STRN3: variants seen among roughly 807,000 people sequenced by gnomAD.
STRN3 encodes the protein striatin 3.
STRN3 carries 29 observed loss-of-function variants against 95.6 expected under a neutral mutation model. That is an observed-to-expected ratio of 0.30 (90% CI 0.23 to 0.41). The LOEUF is 0.41. STRN3 is among the 10% of genes least tolerant of loss of function. STRN3 has a pLI of 1.00. For missense variants in STRN3, 890 were observed against 972.1 expected, an observed-to-expected ratio of 0.92 and a Z score of 1.12; for synonymous variants, 331 against 357.6, an observed-to-expected ratio of 0.93 and a Z score of 0.84.
chr14:30,946,767 C>T (rs1879378273), intron 5 of STRN3, among the ~76,000 whole-genome samples: 1 of 152,074 alleles, frequency 6.6e-6, no homozygotes, highest in Admixed American at 6.5e-5. Context: ...CACCTGAGGT[C>T]AGGAGTTCGC....
At chr14:30,958,230 T>C (rs1322932715) in intron 1 of STRN3, among the ~76,000 whole-genome samples, 1 of 152,092 alleles carries the variant, frequency 6.6e-6, no homozygotes, top group African/African-American at 2.4e-5. Context: ...GGAGAACTGC[T>C]TGAGCCCAGG....
chr14:31,005,299 TC>T (rs1330719793), intron 1 of STRN3, among the ~76,000 whole-genome samples: 1 of 152,026 alleles, frequency 6.6e-6, no homozygotes, highest in Non-Finnish European at 1.5e-5. Context: ...GCCACTGCAC[TC>T]CAGCCTGGGC....
chr14:31,005,858 C>T (rs956138583), intron 1 of STRN3, among the ~76,000 whole-genome samples: 3 of 152,178 alleles, frequency 2.0e-5, no homozygotes, highest in Non-Finnish European at 4.4e-5. Flanking sequence ...TGGCTCACGC[C>T]CGTAATCCCA....
At chr14:30,907,598 C>CT (rs59483991) in intron 13 of STRN3, among the ~76,000 whole-genome samples, 32,770 of 151,836 alleles carry the variant, frequency 0.22, 4,010 homozygotes, top group East Asian at 0.5. Context: ...AGTATGTTTT[C>CT]TTTTTTTCTT....
In STRN3 at chr14:30,950,898, C is replaced by G; in HGVS notation, c.507G>C (p.Gln169His). 6.2e-7 allele frequency: 1 copy of G among 1,613,914 alleles called. No homozygotes were observed. Among genetic ancestry groups the G allele is most frequent in the Non-Finnish European group, 8.5e-7 (1 of 1,179,948 alleles). ...TEAPTAPQNS[Q>H]LTWKQGRQLL... Reference sequence around the variant, plus strand: ...GCTGTCTGCCTTGCTTCCACGTTAACTGGCTATTCTGAGGTGCTGTGGGAG... The same window carrying G: ...GCTGTCTGCCTTGCTTCCACGTTAAGTGGCTATTCTGAGGTGCTGTGGGAG... The change falls in exon 4 of 18, where the codon CAG becomes CAC. Residue 169 changes from glutamine (Q) to histidine (H), a missense_variant. Gln to His is a conservative substitution (Grantham distance 24, BLOSUM62 0). Coordinates refer to ENST00000357479, the MANE Select transcript of STRN3 (RefSeq NM_001083893.2).
intron 12 of STRN3, 54 bp downstream of exon 12, chr14:30,911,723 T>C: frequency 2.0e-6 from 3 of 1,486,278 alleles, no homozygotes; most frequent in South Asian, 2.5e-5. Flanking sequence ...GACCGATAAA[T>C]AATATTTAAC....
intron 5 of STRN3, among the ~76,000 whole-genome samples, chr14:30,943,121 G>A (rs150330915): frequency 6.6e-6 from 1 of 152,220 alleles, no homozygotes; most frequent in East Asian, 1.9e-4. Context: ...TTATAAATAA[G>A]AATGTAATAA....
chr14:30,922,259 G>T (rs1171378969), intron 8 of STRN3, among the ~76,000 whole-genome samples: 2 of 152,010 alleles, frequency 1.3e-5, no homozygotes, highest in African/African-American at 4.8e-5. Context: ...AGCTCCTGGG[G>T]TCAAGCAATC....
rs1031443352 is a variant in STRN3, at chr14:30,929,172, A to C, written c.1099+29T>G. On this transcript the variant is annotated intron_variant, in intron 8 of 17. Coordinates refer to ENST00000357479, the MANE Select transcript of STRN3 (RefSeq NM_001083893.2). ...TTTTTTCTCAATTATTGGTATACAA[A>C]AATTATAATAGTCAGAATCTGCACT... 15 of 1,541,752 alleles carry C rather than the reference A, an allele frequency of 9.7e-6. No individual in the cohort carries two copies. The East Asian group carries it at 3.5e-4, about 36-fold the overall frequency.
intron 7 of STRN3, among the ~76,000 whole-genome samples, chr14:30,930,911 T>G (rs1878502168): frequency 6.6e-6 from 1 of 152,110 alleles, no homozygotes; most frequent in Admixed American, 6.6e-5. Context: ...TGAGCAAATA[T>G]TTTTAAACCT....
At chr14:30,931,476 G>A (rs10483356) in intron 7 of STRN3, among the ~76,000 whole-genome samples, 13,483 of 152,176 alleles carry the variant, frequency 0.089, 833 homozygotes, top group South Asian at 0.25. Flanking sequence ...CGGCAATTCT[G>A]ATTACCAAAG....
intron 1 of STRN3, among the ~76,000 whole-genome samples, chr14:30,985,584 C>T (rs185744886): frequency 3.2e-4 from 42 of 131,418 alleles, no homozygotes; most frequent in African/African-American, 1.2e-3. Context: ...GCCTGGGCAA[C>T]GAGAGCGAAA....
chr14:30,975,945 G>C (rs2139209573), intron 1 of STRN3, among the ~76,000 whole-genome samples: 1 of 149,726 alleles, frequency 6.7e-6, no homozygotes, highest in South Asian at 2.1e-4. Flanking sequence ...CATATGCTAA[G>C]ACAGCAGAGA....
intron 16 of STRN3, among the ~76,000 whole-genome samples, chr14:30,900,097 C>G (rs1318502898): frequency 3.3e-5 from 5 of 152,148 alleles, no homozygotes; most frequent in African/African-American, 1.2e-4. Flanking sequence ...GTGGCTCACA[C>G]CTATAATCCC....
intron 3 of STRN3, among the ~76,000 whole-genome samples, chr14:30,954,066 T>C (rs1362272318): frequency 6.6e-6 from 1 of 152,224 alleles, no homozygotes; most frequent in Non-Finnish European, 1.5e-5. Flanking sequence ...TTGCCTCTTC[T>C]GCATTTTAGC....
rs1878751920 is a variant in STRN3, at chr14:30,935,085, T to C, written c.988+78A>G. 3.9e-6 allele frequency: 6 copies of C among 1,547,890 alleles called. No individual in the cohort carries two copies. In the South Asian group the frequency reaches 6.2e-5, roughly 16 times the overall value. On this transcript the variant is annotated intron_variant, in intron 7 of 17. Transcript: ENST00000357479. ...CTGCCACCATATATTTATACACACA[T>C]TCCACATATAATATTTAATAATAAC...
rs1190803321 is a variant in STRN3, at chr14:30,906,965, T to C, written c.1800A>G (p.Gln600=). 3.7e-6 allele frequency: 6 copies of C among 1,613,818 alleles called. No individual in the cohort carries two copies. Among genetic ancestry groups the C allele is most frequent in the South Asian group, 3.3e-5 (3 of 91,068 alleles). Residue 600 remains glutamine, a synonymous_variant, in exon 14 of 18, where the codon CAA becomes CAG. Coordinates refer to ENST00000357479, the MANE Select transcript of STRN3 (RefSeq NM_001083893.2). ...TGCCATCTGCTGAACAAGACAGTAA[T>C]TGATTTTTTATGCCACTATAAGCAA... ...WGLAYSGIKN[Q]LLSCSADGTV... is the part of the protein sequence containing the mutation.
chr14:30,941,102 A>C (rs1879071031), intron 5 of STRN3, among the ~76,000 whole-genome samples: 1 of 152,164 alleles, frequency 6.6e-6, no homozygotes, highest in Non-Finnish European at 1.5e-5. Context: ...AAGGGTCTTC[A>C]CCAGAACCCA....
At chr14:30,969,169 C>T (rs2139189384) in intron 1 of STRN3, among the ~76,000 whole-genome samples, 1 of 152,336 alleles carries the variant, frequency 6.6e-6, no homozygotes, top group South Asian at 2.1e-4. Context: ...GGCGCAGTGG[C>T]TCACGCCTGT....
Sources: allele counts gnomAD v4.1 joint callset (sites outside exome capture counted in the v4.1 genomes callset), GRCh38; gene constraint gnomAD v4.1.1; transcripts MANE v1.5; gene names NCBI Gene and HGNC (gene_info 2026-07-23, HGNC 2026-07-21).